Variants in CTNND2 observed in about 807,000 individuals in gnomAD.
The protein encoded by CTNND2 is catenin delta-2.
CTNND2 carries 22 observed loss-of-function variants against 144.4 expected under a neutral mutation model. The ratio of observed to expected loss-of-function variants is 0.15; its 90% CI spans 0.11 to 0.22. The LOEUF (loss-of-function observed/expected upper bound fraction) is 0.22, where lower values mean the gene tolerates loss of function less well. CTNND2 is among the 10% of genes least tolerant of loss of function. The pLI is 1.00. For missense variants in CTNND2, 1,353 were observed against 1,618.8 expected, an observed-to-expected ratio of 0.84 and a Z score of 2.82; for synonymous variants, 751 against 695.6, an observed-to-expected ratio of 1.08 and a Z score of -1.25.
Position 11,384,869 on chromosome 5 carries a change from C to A in CTNND2, c.973G>T (p.Gly325Cys), listed in dbSNP as rs562893426. Residue 325 changes from glycine to cysteine, a missense_variant, in exon 7 of 22, where the codon GGC becomes TGC. Physicochemically the swap from Gly to Cys is radical, Grantham distance 159. Around this residue, in one of 4 missense-constraint regions of CTNND2, gnomAD observed 708 missense variants for 706.4 expected, o/e 1.00. Coordinates refer to ENST00000304623, the MANE Select transcript of CTNND2 (RefSeq NM_001332.4). This position sits in a 1 kb window ranked among gnomAD's most constrained non-coding sequence, Gnocchi z 5.2. The part of the protein sequence containing the change: ...SPINIVVSSA[G>C]LSPIRVTSPP... ...GAGGTCACGCGGATCGGGGACAGGC[C>A]GGCCGAGGACACGACGATGTTGATG... 3.7e-5 allele frequency: 59 copies of A among 1,612,162 alleles called. 2 individuals carry two copies. The South Asian group carries it at 5.8e-4, about 16-fold the overall frequency.
rs191127847 is a variant in CTNND2, at chr5:11,201,167, G to A, written c.1762-1506C>T. Among the ~76,000 whole-genome samples, 130 of 152,192 alleles carry A rather than the reference G, an allele frequency of 8.5e-4. No individual in the cohort carries two copies. The Middle Eastern group carries it at 0.02, about 24-fold the overall frequency. On this transcript the variant is annotated intron_variant, in intron 10 of 21. Transcript: ENST00000304623. ...TTTGTTATGTTTATCATTATTGTCC[G>A]TCTTCTCCTGTTAGGATGTGTGTTC...
intron 2 of CTNND2, among the ~76,000 whole-genome samples, chr5:11,711,601 A>T (rs1786038816): frequency 6.6e-6 from 1 of 152,228 alleles, no homozygotes; most frequent in Admixed American, 6.5e-5. Context: ...TAGCTATATT[A>T]ACTTTGAAAT....
intron 1 of CTNND2, among the ~76,000 whole-genome samples, chr5:11,860,891 A>G (rs796157733): frequency 6.6e-6 from 1 of 152,214 alleles, no homozygotes; most frequent in African/African-American, 2.4e-5. Context: ...ACACATTACT[A>G]TAACAGTAGA....
intron 16 of CTNND2, among the ~76,000 whole-genome samples, chr5:11,063,902 T>G (rs532547085): frequency 3.3e-5 from 5 of 152,232 alleles, no homozygotes; most frequent in African/African-American, 1.2e-4. Context: ...TGTTAATGAT[T>G]TGCAATCATT....
intron 11 of CTNND2, among the ~76,000 whole-genome samples, chr5:11,175,569 T>C (rs1760399263): frequency 6.6e-6 from 1 of 152,226 alleles, no homozygotes; most frequent in Non-Finnish European, 1.5e-5. Context: ...TAATGCTCTA[T>C]TTGATGGTCC....
chr5:11,741,966 C>T (rs1215733843), intron 1 of CTNND2, among the ~76,000 whole-genome samples: 2 of 150,932 alleles, frequency 1.3e-5, no homozygotes, highest in Non-Finnish European at 3.0e-5. Flanking sequence ...AACCAAACAT[C>T]ATATGTTCTC....
At chr5:11,300,878 C>A (rs775938743) in intron 9 of CTNND2, among the ~76,000 whole-genome samples, 1 of 152,128 alleles carries the variant, frequency 6.6e-6, no homozygotes, top group South Asian at 2.1e-4. Flanking sequence ...CTTCAGAACA[C>A]GGGCCTGCAG....
chr5:11,352,458 C>A (rs972794121), intron 8 of CTNND2, among the ~76,000 whole-genome samples: 7 of 152,012 alleles, frequency 4.6e-5, no homozygotes, highest in African/African-American at 1.7e-4. Flanking sequence ...GGGTTTAATA[C>A]CTAGGTGATG....
chr5:11,719,795 C>T (rs1411466180), intron 2 of CTNND2, among the ~76,000 whole-genome samples: 1 of 151,128 alleles, frequency 6.6e-6, no homozygotes, highest in African/African-American at 2.4e-5. Flanking sequence ...TAGGACTTCG[C>T]TACTTCTCTC....
At chr5:11,808,909 C>T (rs1390328392) in intron 1 of CTNND2, among the ~76,000 whole-genome samples, 7 of 152,116 alleles carry the variant, frequency 4.6e-5, no homozygotes, top group Admixed American at 4.6e-4. Flanking sequence ...ATCCACGATA[C>T]TAAGAAAATT....
At chr5:11,900,126 G>C (rs531003397) in intron 1 of CTNND2, among the ~76,000 whole-genome samples, 4 of 152,286 alleles carry the variant, frequency 2.6e-5, no homozygotes, top group Non-Finnish European at 5.9e-5. Flanking sequence ...TGTGCCAAGA[G>C]AGACAGGTGA....
chr5:11,632,694 T>A (rs1781474994), intron 2 of CTNND2, among the ~76,000 whole-genome samples: 1 of 152,178 alleles, frequency 6.6e-6, no homozygotes, highest in African/African-American at 2.4e-5. Context: ...TCAAAGCAGC[T>A]ATTTTAAATA....
intron 2 of CTNND2, among the ~76,000 whole-genome samples, chr5:11,597,163 G>C (rs1289567073): frequency 6.6e-6 from 1 of 152,162 alleles, no homozygotes; most frequent in African/African-American, 2.4e-5. Context: ...TGTTCTTCTA[G>C]AATTTTGAAG....
At chr5:11,796,067 C>T (rs1438219964) in intron 1 of CTNND2, among the ~76,000 whole-genome samples, 3 of 152,192 alleles carry the variant, frequency 2.0e-5, no homozygotes, top group African/African-American at 7.2e-5. Context: ...CCTCTCCTGA[C>T]CCTCCTCCAT....
intron 3 of CTNND2, among the ~76,000 whole-genome samples, chr5:11,436,692 T>C (rs937234847): frequency 1.1e-4 from 16 of 152,332 alleles, no homozygotes; most frequent in African/African-American, 3.4e-4. Context: ...CTATTTTATT[T>C]AGAACAAAGG....
At chr5:11,546,917 G>GA (rs1218822475) in intron 3 of CTNND2, among the ~76,000 whole-genome samples, 1 of 152,008 alleles carries the variant, frequency 6.6e-6, no homozygotes, top group Non-Finnish European at 1.5e-5. Context: ...TACTTTACGT[G>GA]AAAAAAAGAA....
intron 18 of CTNND2, among the ~76,000 whole-genome samples, chr5:10,993,015 G>A (rs557404246): frequency 7.9e-5 from 12 of 151,992 alleles, no homozygotes; most frequent in Non-Finnish European, 1.3e-4. Flanking sequence ...ATTTTTTGCC[G>A]ACCTGGTTCC....
At chr5:11,861,494 T>G (rs1795502893) in intron 1 of CTNND2, among the ~76,000 whole-genome samples, 1 of 152,194 alleles carries the variant, frequency 6.6e-6, no homozygotes, top group Non-Finnish European at 1.5e-5. Flanking sequence ...TTCTTTGACC[T>G]TCAGAACATA....
chr5:11,270,253 G>A (rs1053437319), intron 9 of CTNND2, among the ~76,000 whole-genome samples: 1 of 151,682 alleles, frequency 6.6e-6, no homozygotes, highest in Non-Finnish European at 1.5e-5. Context: ...GTTCTAACAC[G>A]TAACACACAC....
Sources: gnomAD v4.1 joint callset for allele counts (sites outside exome capture counted in the v4.1 genomes callset) on GRCh38, gnomAD v4.1.1 for gene constraint, gnomAD v4.1.1 regional missense constraint, Gnocchi (gnomAD v3.1) non-coding constraint, MANE v1.5 for transcripts, NCBI Gene and HGNC (gene_info 2026-07-23, HGNC 2026-07-21) for gene names.